PHYH: variants seen among roughly 807,000 people sequenced by gnomAD.
PHYH encodes phytanoyl-CoA dioxygenase, peroxisomal.
A neutral mutation model predicts 38.5 loss-of-function variants in PHYH; 32 were observed. That is an observed-to-expected ratio of 0.83 (90% CI 0.63 to 1.12). The LOEUF (loss-of-function observed/expected upper bound fraction) is 1.12. Ranked by LOEUF, PHYH falls within the 50% of genes most tolerant of loss-of-function variation. The probability of loss-of-function intolerance (pLI) is 0.00; values close to 1 mark genes in which losing one functional copy is unlikely to be tolerated. For missense variants in PHYH, 426 were observed against 434.8 expected (o/e 0.98, Z 0.18); for synonymous variants, 166 against 157.9 (o/e 1.05, Z -0.38).
intron 7 of PHYH, among the ~76,000 whole-genome samples, chr10:13,281,863 G>A (rs1034663609): frequency 9.9e-5 from 15 of 152,154 alleles, no homozygotes; most frequent in Non-Finnish European, 1.9e-4. Context: ...GGTGCCATAC[G>A]GCACTGTAAC....
chr10:13,291,942 A>C, intron 4 of PHYH, 30 bp from the exon 5 acceptor site: 1 of 1,480,034 alleles, frequency 6.8e-7, no homozygotes, highest in Non-Finnish European at 9.4e-7. Flanking sequence ...ACAAAAACAA[A>C]CCTTGTGGGA....
At chr10:13,278,880 A>G (rs540215454) in intron 8 of PHYH, among the ~76,000 whole-genome samples, 122 of 152,298 alleles carry the variant, frequency 8.0e-4, no homozygotes, top group African/African-American at 2.8e-3. Context: ...AAATTAAGTC[A>G]GTGGGTCCCC....
intron 7 of PHYH, among the ~76,000 whole-genome samples, chr10:13,281,844 G>A (rs1285791904): frequency 2.6e-5 from 4 of 152,180 alleles, no homozygotes; most frequent in African/African-American, 4.8e-5. Flanking sequence ...CATTGCCTCT[G>A]TAAGCCCTGG....
At chr10:13,296,518 G>A (rs1309475149) in intron 2 of PHYH, among the ~76,000 whole-genome samples, 1 of 143,182 alleles carries the variant, frequency 7.0e-6, no homozygotes, top group Non-Finnish European at 1.5e-5. Flanking sequence ...AGCCAGGATT[G>A]CACCAGTGCA....
At chr10:13,289,104 T>A (rs1835636574) in intron 5 of PHYH, among the ~76,000 whole-genome samples, 1 of 152,180 alleles carries the variant, frequency 6.6e-6, no homozygotes, top group East Asian at 1.9e-4. Flanking sequence ...AATCCCGCAC[T>A]CCCTTCTTCC....
chr10:13,284,496 G>A (rs1835498443), intron 6 of PHYH, among the ~76,000 whole-genome samples: 1 of 152,006 alleles, frequency 6.6e-6, no homozygotes, highest in Non-Finnish European at 1.5e-5. Context: ...TATCTCTTGG[G>A]CATTTCCAGC....
At chr10:13,294,396 T>G (rs2131651022) in intron 4 of PHYH, 32 bp downstream of exon 4, 1 of 1,610,184 alleles carries the variant, frequency 6.2e-7, no homozygotes, top group East Asian at 2.2e-5. Flanking sequence ...CACTGGCAAT[T>G]AAGCCGACGC....
intron 7 of PHYH, among the ~76,000 whole-genome samples, chr10:13,283,176 T>G (rs1425932819): frequency 1.4e-5 from 2 of 138,456 alleles, no homozygotes; most frequent in Non-Finnish European, 3.0e-5. Context: ...TCGCCCAGGC[T>G]GGAGTGCAGT....
chr10:13,299,458 G>A (rs944344936), intron 1 of PHYH: 1 of 1,002,622 alleles, frequency 1.0e-6, no homozygotes, highest in Non-Finnish European at 1.2e-6. Flanking sequence ...ATATAACTCA[G>A]TGGCAATGCC....
intron 2 of PHYH, 133 bp downstream of exon 2, chr10:13,298,054 A>G (rs1352908523): frequency 3.1e-6 from 2 of 655,404 alleles, no homozygotes; most frequent in South Asian, 1.8e-5. Flanking sequence ...ACTAATTAGA[A>G]TAAGTCCTGG....
chr10:13,299,736 G>T (rs1282171166), intron 1 of PHYH: 12 of 1,306,440 alleles, frequency 9.2e-6, no homozygotes, highest in Non-Finnish European at 1.2e-5. Context: ...AGGGCAACGC[G>T]GCAATTGCCC....
chr10:13,286,628 G>A (rs1481198651), intron 6 of PHYH, among the ~76,000 whole-genome samples: 1 of 151,612 alleles, frequency 6.6e-6, no homozygotes, highest in African/African-American at 2.4e-5. Flanking sequence ...TGGAACAAGG[G>A]AGTCGGAGGT....
chr10:13,289,936 C>A (rs1244961840), intron 5 of PHYH, among the ~76,000 whole-genome samples: 1 of 71,346 alleles, frequency 1.4e-5, no homozygotes, highest in Non-Finnish European at 2.5e-5. Context: ...GAGACTCTGT[C>A]TCAAAAAAAA....
intron 7 of PHYH, among the ~76,000 whole-genome samples, 180 bp from the exon 8 acceptor site, chr10:13,281,290 G>A (rs1835409102): frequency 6.6e-6 from 1 of 152,050 alleles, no homozygotes; most frequent in African/African-American, 2.4e-5. Flanking sequence ...TTTGTTTCCA[G>A]CTAGAAGTTA....
chr10:13,281,863 G>C (rs1034663609), intron 7 of PHYH, among the ~76,000 whole-genome samples: 1 of 152,154 alleles, frequency 6.6e-6, no homozygotes. Flanking sequence ...GGTGCCATAC[G>C]GCACTGTAAC....
At chr10:13,288,633 C>T in intron 5 of PHYH, 92 bp from the exon 6 acceptor site, 4 of 1,313,656 alleles carry the variant, frequency 3.0e-6, no homozygotes, top group Non-Finnish European at 2.2e-6. Context: ...AAAAATATAT[C>T]CCAAAGTGGG....
intron 3 of PHYH, 141 bp from the exon 4 acceptor site, chr10:13,294,737 A>T (rs901871864): frequency 1.4e-6 from 1 of 700,458 alleles, no homozygotes; most frequent in Non-Finnish European, 2.6e-6. Context: ...GAATAATTCC[A>T]ATGAAAGGGA....
chr10:13,288,036 C>T (rs756558235), intron 6 of PHYH, among the ~76,000 whole-genome samples: 13 of 152,152 alleles, frequency 8.5e-5, no homozygotes, highest in Middle Eastern at 3.4e-3. Flanking sequence ...AAAAATTAGC[C>T]GGGCGTGGTG....
At chr10:13,288,652 G>GCCATCCATCTGCCT in intron 5 of PHYH, 111 bp from the exon 6 acceptor site, 1 of 1,042,102 alleles carries the variant, frequency 9.6e-7, no homozygotes, top group Non-Finnish European at 1.5e-6. Flanking sequence ...GGAGGCTGAG[G>GCCATCCATCTGCCT]CAGATGGATG....
Sources: gnomAD v4.1 joint callset for allele counts (sites outside exome capture counted in the v4.1 genomes callset) on GRCh38, gnomAD v4.1.1 for gene constraint, MANE v1.5 for transcripts, NCBI Gene and HGNC (gene_info 2026-07-23, HGNC 2026-07-21) for gene names.